POFUT3: variants seen among roughly 807,000 people sequenced by gnomAD.
POFUT3 encodes protein O-fucosyltransferase 3.
chr8:33,341,987 G>A, the POFUT3 span, among the ~76,000 whole-genome samples: 1 of 152,118 alleles, frequency 6.6e-6, no homozygotes, highest in African/African-American at 2.4e-5. Context: ...TTTGACACCA[G>A]CCTGGCCAAC....
chr8:33,319,639 T>G, the POFUT3 span, among the ~76,000 whole-genome samples: 1 of 78,810 alleles, frequency 1.3e-5, no homozygotes, highest in Non-Finnish European at 2.1e-5. Flanking sequence ...TTTATATATA[T>G]TTATATATTA....
the POFUT3 span, among the ~76,000 whole-genome samples, chr8:33,471,926 T>G: frequency 1.3e-5 from 2 of 152,148 alleles, no homozygotes; most frequent in Non-Finnish European, 2.9e-5. Flanking sequence ...AGAAGAAAGT[T>G]TTAAAACGGA....
chr8:33,467,996 G>A, the POFUT3 span, among the ~76,000 whole-genome samples: 3 of 152,104 alleles, frequency 2.0e-5, no homozygotes, highest in African/African-American at 7.2e-5. Flanking sequence ...TCCCAACACT[G>A]TGGGAGGCCA....
the POFUT3 span, among the ~76,000 whole-genome samples, chr8:33,350,805 A>T: frequency 6.6e-6 from 1 of 152,122 alleles, no homozygotes; most frequent in Non-Finnish European, 1.5e-5. Context: ...TTGGGCCAGG[A>T]AAAGGGGAGT....
chr8:33,407,937 G>A, the POFUT3 span, among the ~76,000 whole-genome samples: 2 of 144,888 alleles, frequency 1.4e-5, no homozygotes, highest in East Asian at 2.0e-4. Context: ...GCAGGGAGCC[G>A]AGATGGCACC....
chr8:33,469,281 G>A, the POFUT3 span, among the ~76,000 whole-genome samples: 1 of 152,142 alleles, frequency 6.6e-6, no homozygotes, highest in Admixed American at 6.6e-5. Flanking sequence ...ACTCCAGCCT[G>A]GGCTACAGAG....
At chr8:33,372,530 A>G in the POFUT3 span, 2 of 1,569,400 alleles carry the variant, frequency 1.3e-6, no homozygotes, top group South Asian at 1.2e-5. Flanking sequence ...CCTAGAAAAT[A>G]AACCTCAAGA....
At chr8:33,380,204 ATATATATATAC>A in the POFUT3 span, among the ~76,000 whole-genome samples, 1 of 60,388 alleles carries the variant, frequency 1.7e-5, no homozygotes, top group East Asian at 8.2e-4. Flanking sequence ...TATATATACT[ATATATATATAC>A]TATATATATA....
At chr8:33,438,934 C>T in the POFUT3 span, among the ~76,000 whole-genome samples, 38 of 142,612 alleles carry the variant, frequency 2.7e-4, no homozygotes, top group Middle Eastern at 3.5e-3. Flanking sequence ...TTCCACAACA[C>T]GTGGGAATTA....
the POFUT3 span, chr8:33,453,441 T>G: frequency 2.2e-5 from 36 of 1,613,952 alleles, no homozygotes; most frequent in African/African-American, 4.5e-4. Context: ...TCCTCCATTT[T>G]TGTATGTCCA....
the POFUT3 span, among the ~76,000 whole-genome samples, chr8:33,314,984 A>G: frequency 6.6e-6 from 1 of 152,190 alleles, no homozygotes; most frequent in Admixed American, 6.5e-5. Context: ...ATGATTGCAC[A>G]ACAATTATGC....
chr8:33,351,744 A>G, the POFUT3 span, among the ~76,000 whole-genome samples: 3 of 152,314 alleles, frequency 2.0e-5, no homozygotes, highest in South Asian at 6.2e-4. Flanking sequence ...GAAACAGATG[A>G]GAGTGGAAAA....
chr8:33,447,453 G>GA, the POFUT3 span, among the ~76,000 whole-genome samples: 71 of 148,286 alleles, frequency 4.8e-4, no homozygotes, highest in Admixed American at 6.1e-4. Flanking sequence ...CATCTCAAAG[G>GA]AAAAAAAAAA....
chr8:33,442,111 G>C, the POFUT3 span, among the ~76,000 whole-genome samples: 1 of 151,394 alleles, frequency 6.6e-6, no homozygotes, highest in Non-Finnish European at 1.5e-5. Flanking sequence ...CACCATGCCC[G>C]GCTAATTTTT....
the POFUT3 span, among the ~76,000 whole-genome samples, chr8:33,374,706 T>C: frequency 2.0e-5 from 3 of 152,162 alleles, no homozygotes; most frequent in Admixed American, 6.5e-5. Context: ...CTCTGAACTA[T>C]CTTTAAAATA....
chr8:33,351,475 T>C, the POFUT3 span, among the ~76,000 whole-genome samples: 1 of 152,054 alleles, frequency 6.6e-6, no homozygotes. Flanking sequence ...GTTCTTGCTC[T>C]ATTATTCTCA....
chr8:33,396,816 T>G, the POFUT3 span, among the ~76,000 whole-genome samples: 1 of 152,246 alleles, frequency 6.6e-6, no homozygotes, highest in Admixed American at 6.5e-5. Flanking sequence ...TTACGTTGTT[T>G]GACTACATTC....
chr8:33,343,813 T>C, the POFUT3 span, among the ~76,000 whole-genome samples: 1 of 152,256 alleles, frequency 6.6e-6, no homozygotes, highest in Non-Finnish European at 1.5e-5. Context: ...CTCACACACG[T>C]CTTCTTGAAA....
the POFUT3 span, chr8:33,372,359 A>C: frequency 7.5e-7 from 1 of 1,325,196 alleles, no homozygotes; most frequent in Non-Finnish European, 9.6e-7. Context: ...ACCAGTGTCC[A>C]TAAGAAATAT....
Sources: allele counts gnomAD v4.1 joint callset (sites outside exome capture counted in the v4.1 genomes callset), GRCh38; gene constraint gnomAD v4.1.1; transcripts MANE v1.5; gene names NCBI Gene and HGNC (gene_info 2026-07-23, HGNC 2026-07-21).